MET: variants seen among roughly 807,000 people sequenced by gnomAD.
MET encodes MET proto-oncogene, receptor tyrosine kinase, also known as hepatocyte growth factor receptor.
In MET, 48 loss-of-function variants were observed where a neutral mutation model predicts 133.1. The ratio of observed to expected loss-of-function variants is 0.36; its 90% CI spans 0.29 to 0.46. MET has a LOEUF of 0.46. Ranked by LOEUF, MET falls within the 20% of genes least tolerant of loss-of-function variation. MET has a pLI of 1.00. For synonymous variants in MET, 628 were observed against 616.5 expected (o/e 1.02, Z -0.28); for missense variants, 1,442 against 1,695.9 (o/e 0.85, Z 2.63).
intron 2 of MET, among the ~76,000 whole-genome samples, chr7:116,720,097 C>A (rs566214192): frequency 6.6e-6 from 1 of 150,946 alleles, no homozygotes; most frequent in South Asian, 2.1e-4. Context: ...GCCATTTTCA[C>A]GATATGGATT....
At chr7:116,741,829 T>C (rs1022873938) in intron 5 of MET, among the ~76,000 whole-genome samples, 1 of 152,232 alleles carries the variant, frequency 6.6e-6, no homozygotes, top group Non-Finnish European at 1.5e-5. Flanking sequence ...CCTGAGGAGA[T>C]ATAGTCCAGA....
rs182229643 is a variant in MET, at chr7:116,700,461, A to G, written c.1200+177A>G. On this transcript the variant is annotated intron_variant, in intron 2 of 20. Coordinates refer to ENST00000397752, the MANE Select transcript of MET (RefSeq NM_000245.4). Reference sequence around the variant, plus strand: ...TGAATCTTCATTTACACCTAAAATTATATCTTTAAAATGTAAATGGTAACT... The same window carrying G: ...TGAATCTTCATTTACACCTAAAATTGTATCTTTAAAATGTAAATGGTAACT... Among the ~76,000 whole-genome samples, 5 of 147,650 alleles carry G rather than the reference A, an allele frequency of 3.4e-5. No homozygotes were observed. The East Asian group carries it at 1.0e-3, about 30-fold the overall frequency.
At chr7:116,766,381 C>T (rs887964113) in intron 11 of MET, among the ~76,000 whole-genome samples, 1 of 152,134 alleles carries the variant, frequency 6.6e-6, no homozygotes, top group Non-Finnish European at 1.5e-5. Flanking sequence ...TGGTCTATGA[C>T]ACTGTCATCA....
intron 2 of MET, among the ~76,000 whole-genome samples, chr7:116,722,841 C>A (rs1339160368): frequency 1.1e-4 from 16 of 151,820 alleles, no homozygotes; most frequent in African/African-American, 3.9e-4. Flanking sequence ...GGGTTTCTGC[C>A]AAGAGATCCG....
intron 2 of MET, among the ~76,000 whole-genome samples, chr7:116,720,155 T>G (rs374960644): frequency 6.6e-6 from 1 of 151,830 alleles, no homozygotes; most frequent in Non-Finnish European, 1.5e-5. Context: ...TCCTCTTTTA[T>G]TTCCTTGAGC....
intron 19 of MET, among the ~76,000 whole-genome samples, chr7:116,793,366 G>C (rs962872462): frequency 6.6e-6 from 1 of 151,600 alleles, no homozygotes; most frequent in East Asian, 2.0e-4. Context: ...GTAGAGACAG[G>C]GTTTCACCAT....
chr7:116,771,794 C>CCT lies in MET; in HGVS notation c.2888-54_2888-53dup, dbSNP rs140824245. On this transcript the variant is annotated intron_variant, in intron 13 of 20. Coordinates refer to ENST00000397752, the MANE Select transcript of MET (RefSeq NM_000245.4). The stretch of plus-strand genomic sequence containing the variant: ...AGTTCTGGGCACTGGGTCAAAGTCT[C>CCT]CTGGGGCCCATGATAGCCGTCTTTA... 8,700 of 1,613,134 alleles carry CCT rather than the reference C, an allele frequency of 5.4e-3. 389 individuals carry two copies. The African/African-American group carries it at 0.099, about 18-fold the overall frequency.
At chr7:116,771,007 A>G (rs1794811893) in intron 12 of MET, among the ~76,000 whole-genome samples, 2 of 152,232 alleles carry the variant, frequency 1.3e-5, no homozygotes, top group Admixed American at 1.3e-4. Flanking sequence ...TCTGCTGTGT[A>G]TCAAAACTGA....
intron 2 of MET, among the ~76,000 whole-genome samples, chr7:116,730,688 G>A (rs1792969573): frequency 6.6e-6 from 1 of 152,148 alleles, no homozygotes; most frequent in East Asian, 1.9e-4. Flanking sequence ...GGGAGAGGGA[G>A]GAATTGGAGA....
rs773898036 is a variant in MET at position 116,796,069 on chromosome 7, A to G, written c.4118A>G (p.Asp1373Gly). 4.0e-5 allele frequency: 64 copies of G among 1,613,908 alleles called. No individual in the cohort carries two copies. The South Asian group carries it at 6.5e-4, about 16-fold the overall frequency. ...TATCCTTCTCTGTTGTCATCAGAAGATAACGCTGATGATGAGGTGGACACA... is the reference window on the plus strand; with the variant it reads ...TATCCTTCTCTGTTGTCATCAGAAGGTAACGCTGATGATGAGGTGGACACA... ...APYPSLLSSE[D>G]NADDEVDTRP... Residue 1373 changes from aspartate (D) to glycine (G), a missense_variant, in exon 21 of 21, where the codon GAT becomes GGT. This residue lies in a region of MET where 94 missense variants were observed against 109.5 expected (regional missense o/e 0.86). Coordinates refer to ENST00000397752, the MANE Select transcript of MET (RefSeq NM_000245.4).
chr7:116,755,521 G>T lies in MET; in HGVS notation c.1862+6G>T. 6.2e-7 allele frequency: 1 copy of T among 1,614,048 alleles called. No homozygotes were observed. Among genetic ancestry groups the T allele is most frequent in the South Asian group, 1.1e-5 (1 of 91,074 alleles). On this transcript the variant is annotated splice_donor_region_variant and intron_variant, in intron 6 of 20. Coordinates refer to ENST00000397752, the MANE Select transcript of MET (RefSeq NM_000245.4). ...AGTGAGAGCACGATGAATACGTAAG[G>T]ATCTTAAAATGCTTTGCTGGGGTGT...
At chr7:116,778,734 G>C (rs371600961) in intron 16 of MET, 42 bp from the exon 17 acceptor site, 1 of 1,600,340 alleles carries the variant, frequency 6.2e-7, no homozygotes, top group Non-Finnish European at 8.6e-7. Flanking sequence ...AGTATTCACT[G>C]TTCCATAATG....
chr7:116,736,447 G>A (rs1793213753), intron 3 of MET, among the ~76,000 whole-genome samples: 1 of 151,840 alleles, frequency 6.6e-6, no homozygotes, highest in South Asian at 2.1e-4. Flanking sequence ...ATCTTAAATT[G>A]TATTCATCAT....
chr7:116,693,704 A>G (rs1489970758), intron 1 of MET, among the ~76,000 whole-genome samples: 3 of 152,126 alleles, frequency 2.0e-5, no homozygotes, highest in Non-Finnish European at 4.4e-5. Flanking sequence ...TAGTCTGCCT[A>G]TCTCCACTAC....
intron 19 of MET, among the ~76,000 whole-genome samples, chr7:116,793,235 C>T (rs1312171732): frequency 2.0e-5 from 3 of 150,216 alleles, no homozygotes; most frequent in Non-Finnish European, 3.0e-5. Context: ...AGTGCAGGGG[C>T]GCGATCTCAG....
At chr7:116,683,531 A>T (rs1796437900) in intron 1 of MET, among the ~76,000 whole-genome samples, 1 of 152,226 alleles carries the variant, frequency 6.6e-6, no homozygotes, top group Non-Finnish European at 1.5e-5. Flanking sequence ...CAATTTCCTT[A>T]AGTAGTCACT....
chr7:116,722,710 G>A lies in MET; in HGVS notation c.1201-8958G>A, dbSNP rs1339042090. Among the ~76,000 whole-genome samples the A allele has an allele frequency of 4.7e-5, 7 of 148,136 alleles. No individual in the cohort carries two copies. The South Asian group carries it at 6.5e-4, about 14-fold the overall frequency. On this transcript the variant is annotated intron_variant, in intron 2 of 20. Transcript: ENST00000397752. ...AAAATCTCTCAGCATTTGCTTGTCT[G>A]TAAAGTATTTTATTTCTCCTTCACT...
chr7:116,676,820 A>C (rs1796174662), intron 1 of MET, among the ~76,000 whole-genome samples: 1 of 151,718 alleles, frequency 6.6e-6, no homozygotes, highest in Admixed American at 6.6e-5. Context: ...CTGTCCATAG[A>C]CTCCCTGATT....
At chr7:116,709,110 T>C (rs560179368) in intron 2 of MET, among the ~76,000 whole-genome samples, 2 of 152,312 alleles carry the variant, frequency 1.3e-5, no homozygotes, top group Admixed American at 6.5e-5. Context: ...TGAGCACTTA[T>C]GAATGTACAA....
Sources: gnomAD v4.1 joint callset for allele counts (sites outside exome capture counted in the v4.1 genomes callset) on GRCh38, gnomAD v4.1.1 for gene constraint, gnomAD v4.1.1 regional missense constraint, MANE v1.5 for transcripts, NCBI Gene and HGNC (gene_info 2026-07-23, HGNC 2026-07-21) for gene names.